The following FBXO11 variants were observed in gnomAD, a reference collection of about 807,000 sequenced individuals.
The protein encoded by FBXO11 is F-box protein 11.
Under a neutral mutation model 117.0 loss-of-function variants are expected in FBXO11, and 13 were observed. The ratio of observed to expected loss-of-function variants is 0.11; its 90% CI spans 0.07 to 0.18. The LOEUF (loss-of-function observed/expected upper bound fraction) is 0.18, where lower values mean the gene tolerates loss of function less well. Among genes scored for constraint, FBXO11 ranks in the 10% least tolerant of loss-of-function variants. FBXO11 has a pLI of 1.00. For missense variants in FBXO11, 767 were observed against 1,164.4 expected, an observed-to-expected ratio of 0.66 and a Z score of 4.97; for synonymous variants, 490 against 380.5, an observed-to-expected ratio of 1.29 and a Z score of -3.35.
At chr2:47,862,296 C>G (rs1422967434) in intron 1 of FBXO11, among the ~76,000 whole-genome samples, 1 of 152,064 alleles carries the variant, frequency 6.6e-6, no homozygotes, top group South Asian at 2.1e-4. Flanking sequence ...TTTGAAAAAG[C>G]TCCGCTGTTC....
At chr2:47,833,443 A>T (rs1319671080) in intron 7 of FBXO11, among the ~76,000 whole-genome samples, 1 of 152,236 alleles carries the variant, frequency 6.6e-6, no homozygotes, top group East Asian at 1.9e-4. Flanking sequence ...GCCTCGATTT[A>T]GAAAGTAATA....
At chr2:47,811,400 T>C (rs1354397837) in intron 18 of FBXO11, 2 of 152,176 alleles carry the variant, frequency 1.3e-5, no homozygotes, top group East Asian at 3.9e-4. Flanking sequence ...AATTTTTGTA[T>C]TTTTAGGTTT....
intron 1 of FBXO11, among the ~76,000 whole-genome samples, chr2:47,858,091 T>A (rs1005881771): frequency 3.3e-5 from 5 of 151,970 alleles, no homozygotes; most frequent in African/African-American, 1.2e-4. Context: ...GAAAAAAAAA[T>A]ACAAATTATC....
chr2:47,854,484 G>A (rs959726574), intron 1 of FBXO11, among the ~76,000 whole-genome samples: 3 of 151,598 alleles, frequency 2.0e-5, no homozygotes, highest in Non-Finnish European at 4.4e-5. Flanking sequence ...ATACTGGGGG[G>A]TAAAGTGAAT....
rs575955952 is a variant in FBXO11 at position 47,902,685 on chromosome 2, C to A, written c.232+2804G>T. On this transcript the variant is annotated intron_variant, in intron 1 of 22. Transcript: ENST00000403359. ...ATGAAGCAGCTAAAGACCATTCTGA[C>A]AGACTTTTTGCCTGAAAACATATTA... 4.6e-5 allele frequency among the ~76,000 whole-genome samples: 7 copies of A among 152,254 alleles called. No homozygotes were observed. In the East Asian group the frequency reaches 1.4e-3, roughly 29 times the overall value.
At chr2:47,813,661 G>C (rs1670793413) in intron 17 of FBXO11, 130 bp downstream of exon 17, 1 of 690,906 alleles carries the variant, frequency 1.4e-6, no homozygotes, top group Non-Finnish European at 2.4e-6. Flanking sequence ...TTAAACTCCT[G>C]ACCTCGGGTG....
intron 1 of FBXO11, among the ~76,000 whole-genome samples, chr2:47,864,796 T>A (rs1156842782): frequency 6.6e-6 from 1 of 152,168 alleles, no homozygotes; most frequent in Non-Finnish European, 1.5e-5. Context: ...AGTGACAGAA[T>A]TGAAAAGAAG....
intron 1 of FBXO11, chr2:47,883,604 G>A (rs1676594223): frequency 3.2e-6 from 1 of 316,374 alleles, no homozygotes; most frequent in East Asian, 8.0e-5. Context: ...GCAAGCAACT[G>A]GAAGATGAAC....
chr2:47,895,136 C>A (rs865895210), intron 1 of FBXO11, among the ~76,000 whole-genome samples: 16 of 151,898 alleles, frequency 1.1e-4, no homozygotes, highest in Admixed American at 2.0e-4. Context: ...AAAACTCACA[C>A]GGAATGTGGC....
chr2:47,905,796 AGGGGT>A lies in FBXO11; in HGVS notation c.-81_-77del. 2 of 650,846 alleles carry A rather than the reference AGGGGT, an allele frequency of 3.1e-6. No individual in the cohort carries two copies. The highest frequency in any genetic ancestry group is 4.1e-6 in the Non-Finnish European group (2 of 489,358). The allele number at this position is 650,846 out of a possible 1,614,324, so 40.3% of individuals were successfully genotyped here. ...CACAGCGAGCTTCGGGGCAGGAGAA[AGGGGT>A]GGGGAGAGTGGGAGAGGGGGGAGGA... On this transcript the variant is annotated 5_prime_UTR_variant, in exon 1 of 23. Coordinates refer to ENST00000403359, the MANE Select transcript of FBXO11 (RefSeq NM_001190274.2).
At position 47,882,258 on chromosome 2, in the gene FBXO11, T is replaced by C. The variant is rs921935271; in HGVS notation, c.232+23231A>G. On this transcript the variant is annotated intron_variant, in intron 1 of 22. Transcript: ENST00000403359. ...TTACTTTCTTATCTTATAAATGTTGTTCGACTGGGGTTGAATGTTGTGGAG... is the reference window on the plus strand; with the variant it reads ...TTACTTTCTTATCTTATAAATGTTGCTCGACTGGGGTTGAATGTTGTGGAG... Among the ~76,000 whole-genome samples, 5 of 152,320 alleles carry C rather than the reference T, an allele frequency of 3.3e-5. No homozygotes were observed. In the South Asian group the frequency reaches 1.0e-3, roughly 32 times the overall value.
intron 21 of FBXO11, chr2:47,808,735 AGTG>A (rs1670401210): frequency 3.1e-6 from 1 of 326,328 alleles, no homozygotes; most frequent in African/African-American, 2.1e-5. Flanking sequence ...AAACTGTCAC[AGTG>A]ACTGGGATAT....
chr2:47,836,867 T>C (rs763337035), intron 4 of FBXO11: 10 of 332,322 alleles, frequency 3.0e-5, no homozygotes, highest in Non-Finnish European at 5.9e-5. Context: ...CATTGCAGCC[T>C]TAACCTCCCA....
intron 1 of FBXO11, among the ~76,000 whole-genome samples, chr2:47,891,435 A>G (rs994207221): frequency 6.6e-6 from 1 of 152,250 alleles, no homozygotes; most frequent in African/African-American, 2.4e-5. Context: ...AAACTACATT[A>G]ATGTTGCACA....
At chr2:47,811,587 G>C (rs1407117410) in intron 18 of FBXO11, 1 of 152,132 alleles carries the variant, frequency 6.6e-6, no homozygotes, top group Non-Finnish European at 1.5e-5. Flanking sequence ...TAACCAATTT[G>C]GATATTCCAG....
rs1434538261 is a variant in FBXO11, at chr2:47,813,434, T to TA, written c.2084-58_2084-57insT. 1.1e-5 allele frequency: 11 copies of TA among 1,022,882 alleles called. No individual in the cohort carries two copies. In the African/African-American group the frequency reaches 2.5e-4, roughly 23 times the overall value. The allele number at this position is 1,022,882 out of a possible 1,614,324, so 63.4% of individuals were successfully genotyped here. A position where few individuals can be genotyped will look rare whatever the true frequency, so the allele number is the denominator to read the frequency against. On this transcript the variant is annotated intron_variant, in intron 17 of 22. Transcript: ENST00000403359. ...GGTATATTTCTTTTTAATTTTTTTT[T>TA]TTTTTTTTTTTTTTGAGACAGAGTC...
chr2:47,859,657 G>T (rs568516457), intron 1 of FBXO11, among the ~76,000 whole-genome samples: 1 of 152,126 alleles, frequency 6.6e-6, no homozygotes, highest in Non-Finnish European at 1.5e-5. Flanking sequence ...TCACAGTTAC[G>T]CTTTCAAGGT....
At chr2:47,828,309 A>C (rs1401466784) in intron 11 of FBXO11, among the ~76,000 whole-genome samples, 3 of 152,172 alleles carry the variant, frequency 2.0e-5, no homozygotes, top group Non-Finnish European at 4.4e-5. Flanking sequence ...GCAAACCACA[A>C]AAGTTCCAAC....
chr2:47,890,590 G>A (rs755547054), intron 1 of FBXO11, among the ~76,000 whole-genome samples: 1 of 151,976 alleles, frequency 6.6e-6, no homozygotes, highest in African/African-American at 2.4e-5. Context: ...GACCACCTGA[G>A]GTCAGGAGTT....
Sources: gnomAD v4.1 joint callset for allele counts (sites outside exome capture counted in the v4.1 genomes callset) on GRCh38, gnomAD v4.1.1 for gene constraint, MANE v1.5 for transcripts, NCBI Gene and HGNC (gene_info 2026-07-23, HGNC 2026-07-21) for gene names.